The following CAMSAP1 variants were observed in gnomAD, a reference collection of about 807,000 sequenced individuals.
CAMSAP1 encodes the protein calmodulin regulated spectrin associated protein 1, also known as calmodulin-regulated spectrin-associated protein 1.
CAMSAP1 carries 58 observed loss-of-function variants against 143.5 expected under a neutral mutation model. That is an observed-to-expected ratio of 0.40 (90% CI 0.33 to 0.50). The LOEUF (loss-of-function observed/expected upper bound fraction) is 0.50. CAMSAP1 is among the 20% of genes least tolerant of loss of function. CAMSAP1 has a pLI of 0.45. For missense variants in CAMSAP1, 1,969 were observed against 2,115.7 expected (o/e 0.93, Z 1.36); for synonymous variants, 945 against 859.3 (o/e 1.10, Z -1.74).
chr9:135,821,835 G>A lies in CAMSAP1; in HGVS notation c.2826C>T (p.His942=). ...PEHFAKEYSQ[H]NGEDCGDAVS... ...CAGCGTCCCCACAGTCCTCCCCGTT[G>A]TGCTGAGAGTACTCCTTTGCAAAGT... Residue 942 remains histidine, a synonymous_variant, in exon 11 of 17, where the codon CAC becomes CAT. Transcript: ENST00000389532. The surrounding 1 kb of genome is among the most constrained non-coding windows in gnomAD (Gnocchi z 4.6). 1.2e-6 allele frequency: 2 copies of A among 1,614,050 alleles called. No individual in the cohort carries two copies. The highest frequency in any genetic ancestry group is 1.7e-6 in the Non-Finnish European group (2 of 1,179,908).
chr9:135,862,516 A>T lies in CAMSAP1; in HGVS notation c.759T>A (p.Ala253=). The change falls in exon 5 of 17, where the codon GCT becomes GCA. Residue 253 remains alanine, a synonymous_variant. Coordinates refer to ENST00000389532, the MANE Select transcript of CAMSAP1 (RefSeq NM_015447.4). ...DLMRDGSDGA[A]LLAVIHYYCP... ...AATAATAGTGAATCACAGCTAAGAG[A>T]GCAGCACCATCACTGCCGTCTCTCA... 1 of 1,551,686 alleles carries T rather than the reference A, an allele frequency of 6.4e-7. No individual in the cohort carries two copies. Among genetic ancestry groups the T allele is most frequent in the Non-Finnish European group, 8.7e-7 (1 of 1,146,998 alleles).
intron 7 of CAMSAP1, among the ~76,000 whole-genome samples, chr9:135,841,820 C>G (rs1037510770): frequency 6.6e-6 from 1 of 152,148 alleles, no homozygotes; most frequent in Non-Finnish European, 1.5e-5. Flanking sequence ...AAAAGGACAT[C>G]CACACAAAAA....
intron 5 of CAMSAP1, among the ~76,000 whole-genome samples, chr9:135,857,951 G>A (rs1445788448): frequency 6.6e-6 from 1 of 152,146 alleles, no homozygotes; most frequent in Non-Finnish European, 1.5e-5. Flanking sequence ...AGAGTGTCCC[G>A]CATCTACTGA....
rs754396679 is a variant in CAMSAP1 at position 135,850,197 on chromosome 9, AC to A, written c.984del (p.Trp328CysfsTer19). The A allele has an allele frequency of 6.2e-7, 1 of 1,613,012 alleles. No individual in the cohort carries two copies. ...AAATCTGGCTTGACATTCTCGAACC[AC>A]CAAAAAAGCTCCGCAATAAAAACCA... ...NVMVFIAELF[W>X]WFENVKPDFV... is the part of the protein sequence containing the mutation. On this transcript the variant is annotated frameshift_variant, in exon 7 of 17. Coordinates refer to ENST00000389532, the MANE Select transcript of CAMSAP1 (RefSeq NM_015447.4). LOFTEE classifies it high-confidence loss of function.
chr9:135,815,057 T>C, intron 16 of CAMSAP1, 40 bp downstream of exon 16: 1 of 1,396,624 alleles, frequency 7.2e-7, no homozygotes. Context: ...TAAACACTTT[T>C]TATTCCACAT....
Position 135,821,666 on chromosome 9 carries a change from T to C in CAMSAP1, c.2995A>G (p.Asn999Asp), listed in dbSNP as rs1335536241. The change falls in exon 11 of 17, where the codon AAT (asparagine) becomes GAT (aspartate). Residue 999 changes from asparagine to aspartate, a missense_variant. Coordinates refer to ENST00000389532, the MANE Select transcript of CAMSAP1 (RefSeq NM_015447.4). This position sits in a 1 kb window ranked among gnomAD's most constrained non-coding sequence, Gnocchi z 4.6. ...AGGAGGGCAGCGGAGATCACCTTAT[T>C]TCTCTCCAGCTCGTGCAGAGCCACA... ...DPVALHELER[N>D]KVISAALLED... 6.8e-6 allele frequency: 11 copies of C among 1,613,980 alleles called. No homozygotes were observed. The highest frequency in any genetic ancestry group is 1.7e-5 in the Admixed American group (1 of 60,028).
chr9:135,873,198 C>T (rs1003339396), intron 3 of CAMSAP1, among the ~76,000 whole-genome samples: 1 of 152,100 alleles, frequency 6.6e-6, no homozygotes, highest in African/African-American at 2.4e-5. Context: ...CTTTAAGTAT[C>T]TGAAAATTAA....
intron 1 of CAMSAP1, among the ~76,000 whole-genome samples, chr9:135,892,847 T>TAAAAAAAAAAAAAAAA: frequency 1.3e-4 from 1 of 7,884 alleles, no homozygotes; most frequent in Non-Finnish European, 2.3e-4. Context: ...CAAGACTGTC[T>TAAAAAAAAAAAAAAAA]CAAAAAAAAA....
Position 135,811,271 on chromosome 9 carries a change from G to A in CAMSAP1, c.*38C>T, listed in dbSNP as rs372468564. On this transcript the variant is annotated 3_prime_UTR_variant, in exon 17 of 17. Coordinates refer to ENST00000389532, the MANE Select transcript of CAMSAP1 (RefSeq NM_015447.4). The surrounding 1 kb of genome is among the most constrained non-coding windows in gnomAD (Gnocchi z 4.9). ...TGCCAGCCACAAGGGCATCATTTAC[G>A]AGTCTGGGTCACCCTTTGGACGCCA... 1.4e-5 allele frequency: 22 copies of A among 1,591,334 alleles called. No individual in the cohort carries two copies. The highest frequency in any genetic ancestry group is 1.7e-4 in the Middle Eastern group (1 of 5,960).
In CAMSAP1 at chr9:135,827,406, C is replaced by G; in HGVS notation, c.1223+1G>C. Reference sequence around the variant, plus strand: ...TTCTGAAAGCAGAAAGACAGACTTACAGGTATTCAGGTTCTTCCGGGTGCA... The same window carrying G: ...TTCTGAAAGCAGAAAGACAGACTTAGAGGTATTCAGGTTCTTCCGGGTGCA... On this transcript the variant is annotated splice_donor_variant, in intron 8 of 16. Coordinates refer to ENST00000389532, the MANE Select transcript of CAMSAP1 (RefSeq NM_015447.4). LOFTEE classifies it high-confidence loss of function. The G allele has an allele frequency of 6.5e-7, 1 of 1,548,746 alleles. No homozygotes were observed. The highest frequency in any genetic ancestry group is 8.8e-7 in the Non-Finnish European group (1 of 1,139,620).
At chr9:135,828,640 A>AT (rs1199802418) in intron 7 of CAMSAP1, among the ~76,000 whole-genome samples, 2 of 152,228 alleles carry the variant, frequency 1.3e-5, no homozygotes, top group African/African-American at 4.8e-5. Context: ...ATTACCTGAA[A>AT]TTCTTTGAGC....
At chr9:135,870,204 G>A (rs1449920277) in intron 3 of CAMSAP1, among the ~76,000 whole-genome samples, 1 of 152,186 alleles carries the variant, frequency 6.6e-6, no homozygotes, top group Non-Finnish European at 1.5e-5. Context: ...GAGGTGGGAG[G>A]TGACTGGATC....
At chr9:135,885,453 C>A (rs920519384) in intron 1 of CAMSAP1, among the ~76,000 whole-genome samples, 14 of 152,154 alleles carry the variant, frequency 9.2e-5, no homozygotes, top group African/African-American at 3.4e-4. Context: ...CCCCAGGGGA[C>A]CCCTCAGAGT....
rs1440384813 is a variant in CAMSAP1, at chr9:135,882,096, G to A, written c.424-302C>T. On this transcript the variant is annotated intron_variant, in intron 2 of 16. Transcript: ENST00000389532. This position sits in a 1 kb window ranked among gnomAD's most constrained non-coding sequence, Gnocchi z 4.9. ...CCTTTCTTATCTCCTCAACAGCCCT[G>A]TGGGACTCCCAGGAAAGGCGGTGCA... Among the ~76,000 whole-genome samples, 2 of 152,206 alleles carry A rather than the reference G, an allele frequency of 1.3e-5. No homozygotes were observed. The highest frequency in any genetic ancestry group is 1.3e-4 in the Admixed American group (2 of 15,286).
chr9:135,820,813 T>C lies in CAMSAP1; in HGVS notation c.3822+26A>G. 6.2e-7 allele frequency: 1 copy of C among 1,607,518 alleles called. No homozygotes were observed. The highest frequency in any genetic ancestry group is 8.5e-7 in the Non-Finnish European group (1 of 1,178,140). The stretch of plus-strand genomic sequence containing the variant: ...GGGGTGGCAACACATCACGAGTGCC[T>C]GAAACAGATGCTACCAATCCCTTAC... On this transcript the variant is annotated intron_variant, in intron 11 of 16. Coordinates refer to ENST00000389532, the MANE Select transcript of CAMSAP1 (RefSeq NM_015447.4). This position sits in a 1 kb window ranked among gnomAD's most constrained non-coding sequence, Gnocchi z 4.4.
chr9:135,815,843 G>C, intron 15 of CAMSAP1, 47 bp downstream of exon 15: 1 of 1,478,496 alleles, frequency 6.8e-7, no homozygotes, highest in Non-Finnish European at 9.4e-7. Context: ...ACGCAAAGGC[G>C]TATGGCCATG....
intron 1 of CAMSAP1, among the ~76,000 whole-genome samples, chr9:135,890,773 T>G (rs1259582993): frequency 6.6e-6 from 1 of 152,164 alleles, no homozygotes; most frequent in Non-Finnish European, 1.5e-5. Context: ...TCAGACTGTT[T>G]CCAAAATCTT....
At position 135,822,472 on chromosome 9, in the gene CAMSAP1, G is replaced by A. The variant is rs766192970; in HGVS notation, c.2189C>T (p.Pro730Leu). The change falls in exon 11 of 17, where the codon CCG becomes CTG. Residue 730 changes from proline to leucine, a missense_variant. Physicochemically the swap from Pro to Leu is moderately conservative, Grantham distance 98. Coordinates refer to ENST00000389532, the MANE Select transcript of CAMSAP1 (RefSeq NM_015447.4). This position sits in a 1 kb window ranked among gnomAD's most constrained non-coding sequence, Gnocchi z 6.1. ...AGAATCCTGCCTGAGGAGAGTCCAC[G>A]GCTCTGAATCGTGGGAGTTGGGGCT... Reference protein sequence around the residue: ...SKSPNSHDSEPWTLLRQDSDS... With the variant: ...SKSPNSHDSELWTLLRQDSDS... 7.4e-6 allele frequency: 12 copies of A among 1,613,804 alleles called. No homozygotes were observed. The highest frequency in any genetic ancestry group is 2.7e-5 in the African/African-American group (2 of 74,926).
At chr9:135,837,235 C>T (rs1836095749) in intron 7 of CAMSAP1, among the ~76,000 whole-genome samples, 1 of 151,264 alleles carries the variant, frequency 6.6e-6, no homozygotes, top group African/African-American at 2.4e-5. Flanking sequence ...TCTACAGACA[C>T]ACATCATGCA....
Sources: allele counts gnomAD v4.1 joint callset (sites outside exome capture counted in the v4.1 genomes callset), GRCh38; gene constraint gnomAD v4.1.1; non-coding constraint Gnocchi (gnomAD v3.1); transcripts MANE v1.5; gene names NCBI Gene and HGNC (gene_info 2026-07-23, HGNC 2026-07-21).